Variants in ARID5B observed in about 807,000 individuals in gnomAD.
ARID5B encodes the protein AT-rich interactive domain-containing protein 5B.
Under a neutral mutation model 97.2 loss-of-function variants are expected in ARID5B, and 13 were observed. The observed-to-expected ratio is 0.13, with a 90% CI of 0.09 to 0.21. ARID5B has a LOEUF of 0.21. Ranked by LOEUF, ARID5B falls within the 10% of genes least tolerant of loss-of-function variation. The pLI, the probability that ARID5B is intolerant of heterozygous loss-of-function variation, is 1.00. For synonymous variants in ARID5B, 556 were observed against 570.3 expected, an observed-to-expected ratio of 0.97 and a Z score of 0.36; for missense variants, 1,210 against 1,465.3, an observed-to-expected ratio of 0.83 and a Z score of 2.84.
intron 3 of ARID5B, among the ~76,000 whole-genome samples, chr10:61,952,655 C>T (rs1838338814): frequency 1.3e-5 from 2 of 152,174 alleles, no homozygotes; most frequent in Non-Finnish European, 2.9e-5. Flanking sequence ...CTAAGACACT[C>T]TCTAGTGGAG....
intron 8 of ARID5B, among the ~76,000 whole-genome samples, chr10:62,070,482 A>G (rs1840049333): frequency 6.6e-6 from 1 of 152,236 alleles, no homozygotes; most frequent in Non-Finnish European, 1.5e-5. Flanking sequence ...CTTCAAGCCC[A>G]TACTTAATTT....
chr10:62,095,388 G>GT lies in ARID5B; in HGVS notation c.*2358_*2359insT, dbSNP rs1840454445. 4.3e-6 allele frequency: 1 copy of GT among 233,344 alleles called. No individual in the cohort carries two copies. The highest frequency in any genetic ancestry group is 1.8e-4 in the South Asian group (1 of 5,510). 14.5% of individuals were successfully genotyped at this position (233,344 alleles called of 1,614,324 possible). A position where few individuals can be genotyped will look rare whatever the true frequency, so the allele number is the denominator to read the frequency against. ...TCGTGTCTCAAAAAAAAAAGGAGGG[G>GT]GGGCATCTGTCCCCGGTGGAGCTCA... On this transcript the variant is annotated 3_prime_UTR_variant, in exon 10 of 10. Transcript: ENST00000279873.
intron 4 of ARID5B, among the ~76,000 whole-genome samples, chr10:62,036,100 C>T (rs976594606): frequency 7.2e-5 from 11 of 152,066 alleles, no homozygotes; most frequent in Admixed American, 2.6e-4. Flanking sequence ...GCTGGGATTA[C>T]GGGCGCGAGC....
intron 8 of ARID5B, among the ~76,000 whole-genome samples, chr10:62,081,299 C>T (rs1363052213): frequency 2.6e-5 from 4 of 152,260 alleles, no homozygotes; most frequent in African/African-American, 7.2e-5. Flanking sequence ...CTTGCCCCCA[C>T]TCTCTGGATT....
intron 3 of ARID5B, among the ~76,000 whole-genome samples, chr10:61,940,747 C>T (rs968746523): frequency 6.6e-6 from 1 of 150,878 alleles, no homozygotes; most frequent in African/African-American, 2.4e-5. Flanking sequence ...TGTAGTATGA[C>T]ATCTATTAAC....
chr10:62,031,901 C>G (rs1033231627), intron 4 of ARID5B, among the ~76,000 whole-genome samples: 2 of 152,150 alleles, frequency 1.3e-5, no homozygotes, highest in African/African-American at 4.8e-5. Context: ...ATCATGCGAG[C>G]TAAACAAGCT....
At chr10:62,081,278 G>A (rs1280820804) in intron 8 of ARID5B, among the ~76,000 whole-genome samples, 1 of 152,186 alleles carries the variant, frequency 6.6e-6, no homozygotes, top group Non-Finnish European at 1.5e-5. Context: ...AACCCTAAAA[G>A]TTCACCACTT....
chr10:62,057,317 G>A lies in ARID5B; in HGVS notation c.1047G>A (p.Gln349=). The change falls in exon 6 of 10, where the codon CAG becomes CAA. Residue 349 remains glutamine, a splice_region_variant and synonymous_variant. Coordinates refer to ENST00000279873, the MANE Select transcript of ARID5B (RefSeq NM_032199.3). ...GAATACCCTATTTAGGTTTTAAACA[G>A]AGTGAGTATACTTGTTTTCGTTTCT... ...IERIPYLGFK[Q]INLWTMFQAA... The A allele has an allele frequency of 6.2e-7, 1 of 1,612,322 alleles. No homozygotes were observed. Among genetic ancestry groups the A allele is most frequent in the Non-Finnish European group, 8.5e-7 (1 of 1,179,056 alleles).
At chr10:62,012,470 G>A (rs1231133545) in intron 4 of ARID5B, among the ~76,000 whole-genome samples, 1 of 152,210 alleles carries the variant, frequency 6.6e-6, no homozygotes, top group Non-Finnish European at 1.5e-5. Context: ...GTTGCAGTGA[G>A]CCAAGATCAC....
At chr10:61,972,378 C>A (rs1348679615) in intron 3 of ARID5B, among the ~76,000 whole-genome samples, 1 of 151,958 alleles carries the variant, frequency 6.6e-6, no homozygotes, top group Admixed American at 6.6e-5. Context: ...CAGGTGCCCA[C>A]CACCACATCC....
chr10:61,981,326 G>A (rs993431177), intron 3 of ARID5B, among the ~76,000 whole-genome samples: 4 of 152,138 alleles, frequency 2.6e-5, no homozygotes, highest in Non-Finnish European at 4.4e-5. Flanking sequence ...CTGTCACCCA[G>A]GCTGGAGTGC....
intron 3 of ARID5B, among the ~76,000 whole-genome samples, chr10:61,982,501 A>T (rs902365317): frequency 4.1e-5 from 6 of 146,002 alleles, no homozygotes; most frequent in South Asian, 4.2e-4. Context: ...ATTCTGAGTT[A>T]AAAAAAATGC....
At chr10:62,049,902 T>C (rs1316344691) in intron 4 of ARID5B, among the ~76,000 whole-genome samples, 1 of 152,194 alleles carries the variant, frequency 6.6e-6, no homozygotes, top group Admixed American at 6.5e-5. Flanking sequence ...CCTTGAAAGG[T>C]CTGAAGGAAA....
In ARID5B at chr10:61,974,664, C is replaced by T. The variant is rs151271354; in HGVS notation, c.503-25427C>T. On this transcript the variant is annotated intron_variant, in intron 3 of 9. Transcript: ENST00000279873. ...ACGGTCTCATTTATAGTCAGCAGTG[C>T]CTTGATTACTTGCAGACACACTGGA... Among the ~76,000 whole-genome samples the T allele has an allele frequency of 3.9e-5, 6 of 152,260 alleles. No homozygotes were observed. In the East Asian group the frequency reaches 1.2e-3, roughly 29 times the overall value.
intron 6 of ARID5B, 148 bp from the exon 7 acceptor site, chr10:62,059,095 C>A: frequency 1.8e-6 from 1 of 566,974 alleles, no homozygotes; most frequent in Non-Finnish European, 3.1e-6. Context: ...GCCCTTTGGG[C>A]AAATTGTTTC....
intron 1 of ARID5B, 132 bp from the exon 2 acceptor site, chr10:61,902,027 T>C: frequency 8.8e-7 from 1 of 1,136,374 alleles, no homozygotes. Flanking sequence ...CTATTATTTT[T>C]CCACCCAGCG....
At chr10:61,960,763 T>C (rs925340306) in intron 3 of ARID5B, among the ~76,000 whole-genome samples, 3 of 152,182 alleles carry the variant, frequency 2.0e-5, no homozygotes, top group African/African-American at 7.2e-5. Flanking sequence ...AGGTATATCA[T>C]AGGTGCTCCG....
chr10:61,923,965 C>T (rs943360248), intron 2 of ARID5B, among the ~76,000 whole-genome samples: 1 of 152,252 alleles, frequency 6.6e-6, no homozygotes, highest in African/African-American at 2.4e-5. Context: ...TGAAGCTCAG[C>T]TTGTGAATGC....
intron 4 of ARID5B, among the ~76,000 whole-genome samples, chr10:62,048,477 C>T (rs1839741262): frequency 6.6e-6 from 1 of 152,284 alleles, no homozygotes; most frequent in South Asian, 2.1e-4. Context: ...TTTGCCTAAC[C>T]ATACCTGAAA....
Sources: allele counts gnomAD v4.1 joint callset (sites outside exome capture counted in the v4.1 genomes callset), GRCh38; gene constraint gnomAD v4.1.1; transcripts MANE v1.5; gene names NCBI Gene and HGNC (gene_info 2026-07-23, HGNC 2026-07-21).